The following PLCL2 variants were observed in gnomAD, a reference collection of about 807,000 sequenced individuals.
The protein encoded by PLCL2 is inactive phospholipase C-like protein 2.
In PLCL2, 4 loss-of-function variants were observed where a neutral mutation model predicts 79.6. That is an observed-to-expected ratio of 0.05 (90% CI 0.02 to 0.11). The LOEUF (loss-of-function observed/expected upper bound fraction) is 0.11, where lower values mean the gene tolerates loss of function less well. Ranked by LOEUF, PLCL2 falls within the 10% of genes least tolerant of loss-of-function variation. PLCL2 has a pLI of 1.00. For synonymous variants in PLCL2, 484 were observed against 457.7 expected (o/e 1.06, Z -0.73); for missense variants, 895 against 1,291.0 (o/e 0.69, Z 4.70).
At chr3:16,897,650 A>T (rs1696514527) in intron 1 of PLCL2, among the ~76,000 whole-genome samples, 1 of 152,206 alleles carries the variant, frequency 6.6e-6, no homozygotes, top group African/African-American at 2.4e-5. Context: ...TGTAAGGGTG[A>T]TTTATGCGGG....
chr3:16,947,135 T>C (rs1160170251), intron 1 of PLCL2, among the ~76,000 whole-genome samples: 1 of 151,578 alleles, frequency 6.6e-6, no homozygotes, highest in African/African-American at 2.4e-5. Flanking sequence ...TTATTTTTTT[T>C]TTTTTAGAGA....
At chr3:17,049,745 G>A (rs1371599684) in intron 4 of PLCL2, among the ~76,000 whole-genome samples, 1 of 151,960 alleles carries the variant, frequency 6.6e-6, no homozygotes, top group Non-Finnish European at 1.5e-5. Flanking sequence ...TTGTTAAAAT[G>A]TCCATACTAC....
intron 1 of PLCL2, among the ~76,000 whole-genome samples, chr3:16,905,831 G>A (rs1471658375): frequency 6.6e-6 from 1 of 152,160 alleles, no homozygotes; most frequent in Non-Finnish European, 1.5e-5. Flanking sequence ...CCAATCTTTG[G>A]TGAGCCTGGA....
At chr3:17,018,966 TGAA>T (rs2124897432) in intron 3 of PLCL2, among the ~76,000 whole-genome samples, 2 of 152,214 alleles carry the variant, frequency 1.3e-5, no homozygotes, top group East Asian at 3.9e-4. Flanking sequence ...ATAATTTAGT[TGAA>T]GAGATGCTGC....
chr3:16,995,081 C>A (rs901007940), intron 1 of PLCL2, among the ~76,000 whole-genome samples: 1 of 152,236 alleles, frequency 6.6e-6, no homozygotes, highest in African/African-American at 2.4e-5. Flanking sequence ...TTGTCCTCCC[C>A]ACAAGATCCA....
chr3:16,952,305 T>TGTATACCTATGTAGCAAAC (rs2063660961), intron 1 of PLCL2, among the ~76,000 whole-genome samples: 1 of 129,770 alleles, frequency 7.7e-6, no homozygotes, highest in Non-Finnish European at 1.5e-5. Context: ...ATGTAGCAAA[T>TGTATACCTATGTAGCAAAC]GTATACCTAT....
chr3:16,905,401 A>T lies in PLCL2; in HGVS notation c.327+20035A>T, dbSNP rs561414747. Among the ~76,000 whole-genome samples the T allele has an allele frequency of 7.2e-5, 11 of 152,338 alleles. No individual in the cohort carries two copies. The South Asian group carries it at 2.3e-3, about 32-fold the overall frequency. On this transcript the variant is annotated intron_variant, in intron 1 of 5. Transcript: ENST00000615277. ...TGTCAAACACCAGGCTCCAGTTTCA[A>T]CCTCTGTATCAAACCAAAATAGCAG...
At chr3:17,008,290 T>C (rs554979393) in intron 1 of PLCL2, among the ~76,000 whole-genome samples, 2 of 150,794 alleles carry the variant, frequency 1.3e-5, no homozygotes, top group Non-Finnish European at 2.9e-5. Context: ...TACATGTCTA[T>C]CTGATGTATA....
intron 4 of PLCL2, among the ~76,000 whole-genome samples, chr3:17,054,063 G>T (rs957240769): frequency 6.6e-6 from 1 of 151,988 alleles, no homozygotes; most frequent in African/African-American, 2.4e-5. Context: ...CCAGTTTCAG[G>T]TCATTTCTCT....
chr3:16,898,542 C>CAGGCACAT (rs1696539101), intron 1 of PLCL2, among the ~76,000 whole-genome samples: 1 of 152,222 alleles, frequency 6.6e-6, no homozygotes. Flanking sequence ...GCGAGAGAAA[C>CAGGCACAT]AGGCACATAG....
Position 16,965,236 on chromosome 3 carries a change from A to G in PLCL2, c.328-44438A>G, listed in dbSNP as rs879320116. Among the ~76,000 whole-genome samples the G allele has an allele frequency of 1.1e-3, 170 of 152,280 alleles. 2 individuals carry two copies. The highest frequency in any genetic ancestry group is 2.0e-3 in the Non-Finnish European group (136 of 68,032). The stretch of plus-strand genomic sequence containing the variant: ...GGGATCCAGTTTCAGCTTTCTCCAT[A>G]TGGCTAGCCAGTTTTCCCAGCACCG... On this transcript the variant is annotated intron_variant, in intron 1 of 5. Coordinates refer to ENST00000615277, the MANE Select transcript of PLCL2 (RefSeq NM_001144382.2).
At chr3:17,056,962 T>C (rs1363062942) in intron 4 of PLCL2, among the ~76,000 whole-genome samples, 1 of 152,180 alleles carries the variant, frequency 6.6e-6, no homozygotes, top group African/African-American at 2.4e-5. Flanking sequence ...TAGCAGACTT[T>C]ATCATCAAGG....
chr3:16,949,891 T>C (rs2063635105), intron 1 of PLCL2, among the ~76,000 whole-genome samples: 1 of 152,226 alleles, frequency 6.6e-6, no homozygotes, highest in African/African-American at 2.4e-5. Context: ...TCAATACCAT[T>C]TGTTTCATAG....
intron 1 of PLCL2, among the ~76,000 whole-genome samples, chr3:16,947,667 A>C (rs2063614818): frequency 6.6e-6 from 1 of 152,184 alleles, no homozygotes; most frequent in Non-Finnish European, 1.5e-5. Context: ...CAGAAAAGAA[A>C]CTACCTTTGC....
At chr3:17,062,951 C>T (rs2064966724) in intron 4 of PLCL2, among the ~76,000 whole-genome samples, 1 of 151,990 alleles carries the variant, frequency 6.6e-6, no homozygotes, top group South Asian at 2.1e-4. Flanking sequence ...CCTGTTTATT[C>T]TCCCCAGTGT....
At chr3:17,024,474 A>G (rs1176212260) in intron 3 of PLCL2, among the ~76,000 whole-genome samples, 1 of 152,194 alleles carries the variant, frequency 6.6e-6, no homozygotes, top group Non-Finnish European at 1.5e-5. Context: ...AAAAGTTTTT[A>G]TAGCATCTAG....
rs373031158 is a variant in PLCL2, at chr3:17,034,136, AG to A, written c.3019-8736del. On this transcript the variant is annotated intron_variant, in intron 3 of 5. Transcript: ENST00000615277. ...TTGCAGGTTCTCCCCACATCTGTGT[AG>A]GTTTCCTCCAGGTACACCAGGTACA... Among the ~76,000 whole-genome samples, 744 of 152,326 alleles carry A rather than the reference AG, an allele frequency of 4.9e-3. 4 individuals are homozygous for A. The highest frequency in any genetic ancestry group is 7.5e-3 in the Non-Finnish European group (507 of 68,024).
intron 1 of PLCL2, among the ~76,000 whole-genome samples, chr3:16,902,849 A>AGTGCGT (rs1696656990): frequency 1.4e-5 from 1 of 69,862 alleles, no homozygotes; most frequent in African/African-American, 6.2e-5. Context: ...AAAAAAATGC[A>AGTGCGT]GTGCGTGTGT....
intron 1 of PLCL2, among the ~76,000 whole-genome samples, chr3:16,934,678 T>G (rs1396375231): frequency 6.6e-6 from 1 of 152,112 alleles, no homozygotes; most frequent in African/African-American, 2.4e-5. Flanking sequence ...TGGGATGCTA[T>G]GTAGGAAGCT....
Sources: allele counts gnomAD v4.1 joint callset (sites outside exome capture counted in the v4.1 genomes callset), GRCh38; gene constraint gnomAD v4.1.1; transcripts MANE v1.5; gene names NCBI Gene and HGNC (gene_info 2026-07-23, HGNC 2026-07-21).